The following PPP4R2 variants were observed in gnomAD, a reference collection of about 807,000 sequenced individuals.
PPP4R2 encodes protein phosphatase 4 regulatory subunit 2, also known as serine/threonine-protein phosphatase 4 regulatory subunit 2.
A neutral mutation model predicts 47.2 loss-of-function variants in PPP4R2; 13 were observed. That is an observed-to-expected ratio of 0.28 (90% CI 0.18 to 0.44). The LOEUF (loss-of-function observed/expected upper bound fraction) is 0.44, where lower values mean the gene tolerates loss of function less well. Among genes scored for constraint, PPP4R2 ranks in the 20% least tolerant of loss-of-function variants. The pLI, the probability that PPP4R2 is intolerant of heterozygous loss-of-function variation, is 1.00. For synonymous variants in PPP4R2, 151 were observed against 163.3 expected, an observed-to-expected ratio of 0.92 and a Z score of 0.57; for missense variants, 421 against 491.2, an observed-to-expected ratio of 0.86 and a Z score of 1.35.
intron 3 of PPP4R2, among the ~76,000 whole-genome samples, chr3:73,047,769 G>T (rs896293729): frequency 6.6e-6 from 1 of 152,176 alleles, no homozygotes; most frequent in East Asian, 1.9e-4. Flanking sequence ...TCTCTCCTAA[G>T]TAACGGCTTG....
At position 73,064,946 on chromosome 3, in the gene PPP4R2, G is replaced by A. The variant is rs1559571983; in HGVS notation, c.733G>A (p.Val245Ile). Residue 245 changes from valine (V) to isoleucine (I), a missense_variant, in exon 8 of 9, where the codon GTA (valine) becomes ATA (isoleucine). This residue lies in a region of PPP4R2 where 317 missense variants were observed against 287.5 expected (regional missense o/e 1.10). Transcript: ENST00000356692. Reference sequence around the variant, plus strand: ...TGCTGTGGAAGCTGAGGGGCATGAGGTAAAAAGACTCAGGTTTGACAAAGA... The same window carrying A: ...TGCTGTGGAAGCTGAGGGGCATGAGATAAAAAGACTCAGGTTTGACAAAGA... Reference protein sequence around the residue: ...EDAVEAEGHEVKRLRFDKEGE... With the variant: ...EDAVEAEGHEIKRLRFDKEGE... 6.2e-7 allele frequency: 1 copy of A among 1,613,758 alleles called. No individual in the cohort carries two copies. The highest frequency in any genetic ancestry group is 1.3e-5 in the African/African-American group (1 of 74,898).
intron 3 of PPP4R2, among the ~76,000 whole-genome samples, chr3:73,057,470 T>G (rs922304767): frequency 3.3e-5 from 5 of 152,146 alleles, no homozygotes; most frequent in Admixed American, 2.0e-4. Flanking sequence ...CTTCTGAATG[T>G]TTGGAATATC....
At chr3:73,009,497 A>T (rs1190836065) in intron 2 of PPP4R2, among the ~76,000 whole-genome samples, 1 of 152,208 alleles carries the variant, frequency 6.6e-6, no homozygotes, top group African/African-American at 2.4e-5. Flanking sequence ...CTACAGATCC[A>T]CTTAGTGTCT....
chr3:73,064,794 G>T, intron 7 of PPP4R2, 58 bp from the exon 8 acceptor site: 1 of 1,375,944 alleles, frequency 7.3e-7, no homozygotes, highest in South Asian at 1.4e-5. Flanking sequence ...TTAAAAATGG[G>T]GATGTAGAAG....
chr3:73,024,627 C>A (rs779849782), intron 2 of PPP4R2, among the ~76,000 whole-genome samples: 5 of 152,122 alleles, frequency 3.3e-5, no homozygotes, highest in African/African-American at 4.8e-5. Context: ...AAAGGAGTTT[C>A]TTTTCTCTCT....
chr3:73,054,150 T>G (rs539636446), intron 3 of PPP4R2, among the ~76,000 whole-genome samples: 1 of 152,128 alleles, frequency 6.6e-6, no homozygotes, highest in Non-Finnish European at 1.5e-5. Flanking sequence ...ACTTCTGACC[T>G]CAGGTGATCC....
intron 2 of PPP4R2, among the ~76,000 whole-genome samples, chr3:73,001,391 C>T (rs569584652): frequency 6.6e-5 from 10 of 151,966 alleles, no homozygotes; most frequent in African/African-American, 9.7e-5. Flanking sequence ...TGGTGAAACC[C>T]GTCTTTACAA....
At chr3:73,046,045 C>A (rs530510939) in intron 2 of PPP4R2, among the ~76,000 whole-genome samples, 2 of 152,174 alleles carry the variant, frequency 1.3e-5, no homozygotes, top group South Asian at 2.1e-4. Context: ...ATTTTTATAT[C>A]TTTTACACTT....
At chr3:73,009,186 G>A (rs1228803636) in intron 2 of PPP4R2, among the ~76,000 whole-genome samples, 1 of 152,182 alleles carries the variant, frequency 6.6e-6, no homozygotes, top group East Asian at 1.9e-4. Context: ...AAAGCTTAGA[G>A]GAATCTCTGT....
intron 2 of PPP4R2, among the ~76,000 whole-genome samples, chr3:73,043,156 C>T (rs188894872): frequency 2.0e-5 from 3 of 152,132 alleles, no homozygotes; most frequent in African/African-American, 7.2e-5. Flanking sequence ...AAAGTATAAG[C>T]GTCCTATTTC....
chr3:73,044,999 A>G (rs1269372631), intron 2 of PPP4R2, among the ~76,000 whole-genome samples: 1 of 152,104 alleles, frequency 6.6e-6, no homozygotes, highest in Non-Finnish European at 1.5e-5. Flanking sequence ...TTGGTATCAC[A>G]CAGTATCTTT....
chr3:73,037,339 C>T (rs377415814), intron 2 of PPP4R2, among the ~76,000 whole-genome samples: 1 of 152,186 alleles, frequency 6.6e-6, no homozygotes, highest in African/African-American at 2.4e-5. Flanking sequence ...ACATGTGCTA[C>T]AAATCTTATT....
chr3:73,028,229 C>A (rs1702104462), intron 2 of PPP4R2, among the ~76,000 whole-genome samples: 1 of 146,500 alleles, frequency 6.8e-6, no homozygotes, highest in Non-Finnish European at 1.5e-5. Flanking sequence ...CATATTCCAG[C>A]CTGGGTGTCA....
intron 5 of PPP4R2, 131 bp downstream of exon 5, chr3:73,061,191 CCTACCATT>C (rs747207630): frequency 1.5e-5 from 6 of 409,564 alleles, no homozygotes; most frequent in Non-Finnish European, 2.5e-5. Context: ...TACTTGTGAA[CCTACCATT>C]CAGTCCCCAA....
intron 5 of PPP4R2, chr3:73,062,944 T>G (rs764649154): frequency 6.5e-7 from 1 of 1,547,782 alleles, no homozygotes; most frequent in African/African-American, 1.4e-5. Context: ...GCTGTGAGAA[T>G]GTTTCTAGAT....
intron 2 of PPP4R2, among the ~76,000 whole-genome samples, chr3:73,027,463 T>G (rs1413515424): frequency 6.6e-6 from 1 of 152,172 alleles, no homozygotes; most frequent in Admixed American, 6.5e-5. Context: ...TACACATAAT[T>G]CCCAGATCTG....
intron 1 of PPP4R2, chr3:72,997,272 C>T: frequency 2.4e-6 from 1 of 415,062 alleles, no homozygotes; most frequent in Non-Finnish European, 4.3e-6. Flanking sequence ...TTTGTGTCGG[C>T]CGCCGGCGTC....
intron 3 of PPP4R2, among the ~76,000 whole-genome samples, chr3:73,048,830 T>A (rs1037660353): frequency 6.6e-6 from 1 of 152,248 alleles, no homozygotes; most frequent in African/African-American, 2.4e-5. Context: ...AACGGTTTGC[T>A]TTATATCATA....
At chr3:73,003,150 GC>G (rs996843754) in intron 2 of PPP4R2, among the ~76,000 whole-genome samples, 3 of 150,360 alleles carry the variant, frequency 2.0e-5, no homozygotes, top group African/African-American at 7.3e-5. Context: ...TCTATTTCTA[GC>G]CCCCATTTAA....
Sources: allele counts gnomAD v4.1 joint callset (sites outside exome capture counted in the v4.1 genomes callset), GRCh38; gene constraint gnomAD v4.1.1; regional missense constraint gnomAD v4.1.1; transcripts MANE v1.5; gene names NCBI Gene and HGNC (gene_info 2026-07-23, HGNC 2026-07-21).